Variants in ARNT2 observed in about 807,000 individuals in gnomAD.
ARNT2 encodes the protein aryl hydrocarbon receptor nuclear translocator 2, also known as ARNT protein 2.
Under a neutral mutation model 91.7 loss-of-function variants are expected in ARNT2, and 36 were observed. The observed-to-expected ratio is 0.39, with a 90% CI of 0.30 to 0.52. The LOEUF is 0.52. Ranked by LOEUF, ARNT2 falls within the 20% of genes least tolerant of loss-of-function variation. The probability of loss-of-function intolerance (pLI) is 0.72; values close to 1 mark genes in which losing one functional copy is unlikely to be tolerated. For missense variants in ARNT2, 775 were observed against 939.3 expected (o/e 0.83, Z 2.29); for synonymous variants, 365 against 347.1 (o/e 1.05, Z -0.57).
chr15:80,415,878 G>A (rs572299346), intron 1 of ARNT2, among the ~76,000 whole-genome samples: 17 of 152,212 alleles, frequency 1.1e-4, no homozygotes, highest in African/African-American at 2.4e-4. Context: ...AAGATCAGGC[G>A]TTTGGTTGAG....
At chr15:80,416,869 A>G (rs773085283) in intron 1 of ARNT2, among the ~76,000 whole-genome samples, 5 of 152,220 alleles carry the variant, frequency 3.3e-5, no homozygotes, top group Non-Finnish European at 7.3e-5. Flanking sequence ...AAGGTCGTGT[A>G]TAGACAAGAC....
At chr15:80,416,940 G>A (rs1410227194) in intron 1 of ARNT2, among the ~76,000 whole-genome samples, 1 of 151,844 alleles carries the variant, frequency 6.6e-6, no homozygotes, top group Non-Finnish European at 1.5e-5. Flanking sequence ...CTCATCTTTG[G>A]GTCCTATACA....
At chr15:80,566,122 T>C (rs1667735656) in intron 12 of ARNT2, among the ~76,000 whole-genome samples, 1 of 152,192 alleles carries the variant, frequency 6.6e-6, no homozygotes, top group Admixed American at 6.5e-5. Flanking sequence ...GCAGTAACTA[T>C]CACTGAGATT....
intron 1 of ARNT2, among the ~76,000 whole-genome samples, chr15:80,408,919 TTTTTAGGGCAG>T (rs1895643187): frequency 6.6e-6 from 1 of 152,204 alleles, no homozygotes. Context: ...AAAGGCTCCT[TTTTTAGGGCAG>T]TTTTAGGTTC....
intron 1 of ARNT2, among the ~76,000 whole-genome samples, chr15:80,434,982 A>G (rs62006382): frequency 0.11 from 17,199 of 152,028 alleles, 1,082 homozygotes; most frequent in Middle Eastern, 0.16. Context: ...TGCTCCTGAG[A>G]GGCAGCACCT....
intron 5 of ARNT2, among the ~76,000 whole-genome samples, chr15:80,481,255 C>A (rs986706738): frequency 6.6e-6 from 1 of 152,202 alleles, no homozygotes. Flanking sequence ...AACAGCTCAC[C>A]GGGGAGCCAT....
At chr15:80,581,503 CA>C in intron 17 of ARNT2, 99 bp downstream of exon 17, 1 of 1,496,784 alleles carries the variant, frequency 6.7e-7, no homozygotes, top group Non-Finnish European at 9.1e-7. Flanking sequence ...TCCCAGCTAC[CA>C]AAACAAGGTC....
chr15:80,583,851 G>A (rs1898842759), intron 17 of ARNT2, among the ~76,000 whole-genome samples: 1 of 152,214 alleles, frequency 6.6e-6, no homozygotes, highest in Non-Finnish European at 1.5e-5. Flanking sequence ...GGGGACCTCA[G>A]AATTAAGCAG....
intron 1 of ARNT2, among the ~76,000 whole-genome samples, chr15:80,416,753 C>G (rs1480492398): frequency 6.6e-6 from 1 of 151,948 alleles, no homozygotes; most frequent in Non-Finnish European, 1.5e-5. Flanking sequence ...ATTGGAGTTG[C>G]GCTTTTCTAA....
chr15:80,443,181 A>C (rs567317463), intron 1 of ARNT2, among the ~76,000 whole-genome samples: 1 of 152,368 alleles, frequency 6.6e-6, no homozygotes, highest in African/African-American at 2.4e-5. Context: ...TTCTTGCCAG[A>C]GGACATAGCA....
intron 8 of ARNT2, among the ~76,000 whole-genome samples, chr15:80,543,458 C>T (rs1384472379): frequency 1.3e-5 from 2 of 152,208 alleles, no homozygotes; most frequent in African/African-American, 4.8e-5. Flanking sequence ...TATCCCGTGT[C>T]ATGATGGGAT....
intron 12 of ARNT2, among the ~76,000 whole-genome samples, chr15:80,569,399 CT>C (rs1898546268): frequency 6.6e-6 from 1 of 152,214 alleles, no homozygotes; most frequent in Non-Finnish European, 1.5e-5. Context: ...AGCAGCCCTG[CT>C]TTCTCCTTCT....
intron 10 of ARNT2, among the ~76,000 whole-genome samples, chr15:80,553,532 C>T (rs545139665): frequency 2.6e-5 from 4 of 152,156 alleles, no homozygotes; most frequent in South Asian, 4.1e-4. Flanking sequence ...ATGATGTCCA[C>T]AACTCAATTT....
At chr15:80,477,855 C>T (rs1175408462) in intron 5 of ARNT2, among the ~76,000 whole-genome samples, 1 of 152,106 alleles carries the variant, frequency 6.6e-6, no homozygotes. Flanking sequence ...TTTGATGTTG[C>T]TAAAAGTGAG....
At chr15:80,465,212 G>T (rs1186844780) in intron 3 of ARNT2, among the ~76,000 whole-genome samples, 6 of 152,166 alleles carry the variant, frequency 3.9e-5, no homozygotes, top group African/African-American at 1.4e-4. Context: ...GGTGAATTCT[G>T]AAAAGGAAAA....
chr15:80,589,084 C>A (rs1244656370), intron 17 of ARNT2, among the ~76,000 whole-genome samples: 1 of 152,140 alleles, frequency 6.6e-6, no homozygotes, highest in African/African-American at 2.4e-5. Context: ...GACTCAGACC[C>A]CTGCTTTCAA....
intron 8 of ARNT2, among the ~76,000 whole-genome samples, chr15:80,528,641 G>A (rs80349454): frequency 0.027 from 4,150 of 152,144 alleles, 184 homozygotes; most frequent in African/African-American, 0.095. Flanking sequence ...GGTGGTGGGG[G>A]ATCTGTGAGT....
At chr15:80,550,749 C>G (rs1346961172) in intron 8 of ARNT2, among the ~76,000 whole-genome samples, 1 of 152,234 alleles carries the variant, frequency 6.6e-6, no homozygotes, top group Non-Finnish European at 1.5e-5. Flanking sequence ...GTTGTGCTCC[C>G]TTGCCTGACA....
At chr15:80,580,244 C>G (rs975993594) in intron 15 of ARNT2, 167 bp from the exon 16 acceptor site, 2 of 864,274 alleles carry the variant, frequency 2.3e-6, no homozygotes, top group Non-Finnish European at 3.7e-6. Flanking sequence ...AGGAGGACGG[C>G]CAAGGGGCTT....
Sources: gnomAD v4.1 joint callset for allele counts (sites outside exome capture counted in the v4.1 genomes callset) on GRCh38, gnomAD v4.1.1 for gene constraint, MANE v1.5 for transcripts, NCBI Gene and HGNC (gene_info 2026-07-23, HGNC 2026-07-21) for gene names.